FCHSD2: variants seen among roughly 807,000 people sequenced by gnomAD.
FCHSD2 encodes the protein F-BAR and double SH3 domains protein 2.
In FCHSD2, 38 loss-of-function variants were observed where a neutral mutation model predicts 108.1. That is an observed-to-expected ratio of 0.35 (90% CI 0.27 to 0.46). FCHSD2 has a LOEUF of 0.46. Among genes scored for constraint, FCHSD2 ranks in the 20% least tolerant of loss-of-function variants. The pLI, the probability that FCHSD2 is intolerant of heterozygous loss-of-function variation, is 1.00. For synonymous variants in FCHSD2, 279 were observed against 314.7 expected (o/e 0.89, Z 1.20); for missense variants, 751 against 897.8 (o/e 0.84, Z 2.09).
intron 13 of FCHSD2, among the ~76,000 whole-genome samples, chr11:72,850,968 G>T (rs1016636650): frequency 6.6e-6 from 1 of 151,730 alleles, no homozygotes; most frequent in Non-Finnish European, 1.5e-5. Flanking sequence ...GCATGGTGGT[G>T]CATGCCTGAA....
chr11:73,052,261 G>C (rs188697008), intron 3 of FCHSD2, among the ~76,000 whole-genome samples: 50 of 152,260 alleles, frequency 3.3e-4, no homozygotes, highest in African/African-American at 1.1e-3. Flanking sequence ...AACATGATTT[G>C]AGTTTAAATT....
intron 8 of FCHSD2, among the ~76,000 whole-genome samples, chr11:72,959,457 G>C (rs1269606574): frequency 3.4e-5 from 3 of 87,078 alleles, no homozygotes; most frequent in Non-Finnish European, 4.8e-5. Flanking sequence ...GGATGGTCTT[G>C]ATCTCCTGAC....
Position 72,843,153 on chromosome 11 carries a change from C to T in FCHSD2, c.1703G>A (p.Ser568Asn), listed in dbSNP as rs1163971431. ...LVSGSLNGDASVCFVKALYDY... is the reference protein window; with the variant it reads ...LVSGSLNGDANVCFVKALYDY... ...GAGTGCCTTGTTTCAGTCTTTACCA[C>T]TGGCATCTCCGTTGAGGCTGCCTGA... Residue 568 changes from serine to asparagine, a missense_variant and splice_region_variant, in exon 16 of 20, where the codon AGT becomes AAT. Coordinates refer to ENST00000409418, the MANE Select transcript of FCHSD2 (RefSeq NM_014824.3). 1.2e-6 allele frequency: 2 copies of T among 1,613,936 alleles called. No individual in the cohort carries two copies. Among genetic ancestry groups the T allele is most frequent in the South Asian group, 2.2e-5 (2 of 91,072 alleles).
chr11:72,943,031 G>GCT (rs1856451259), intron 8 of FCHSD2, among the ~76,000 whole-genome samples: 1 of 151,968 alleles, frequency 6.6e-6, no homozygotes, highest in African/African-American at 2.4e-5. Flanking sequence ...TGCTCTTGTT[G>GCT]CTCACGCTGG....
In FCHSD2 at chr11:72,878,023, A is replaced by C. The variant is rs558988953; in HGVS notation, c.1146+9447T>G. ...AAATTTTTTTAAATATATAAAGCAA[A>C]TAAAATATTAGATAATATGATTAGG... On this transcript the variant is annotated intron_variant, in intron 12 of 19. Coordinates refer to ENST00000409418, the MANE Select transcript of FCHSD2 (RefSeq NM_014824.3). Among the ~76,000 whole-genome samples the C allele has an allele frequency of 5.9e-5, 9 of 152,322 alleles. No homozygotes were observed. The East Asian group carries it at 1.7e-3, about 29-fold the overall frequency.
chr11:73,142,214 T>G lies in FCHSD2; in HGVS notation c.-337A>C. On this transcript the variant is annotated 5_prime_UTR_variant, in exon 1 of 20. Coordinates refer to ENST00000409418, the MANE Select transcript of FCHSD2 (RefSeq NM_014824.3). ...GGTCTCAGCCGGCCGGGCGGCGGGTTAGCCGCAGCCGCGTTGTCCGCGCTC... is the reference window on the plus strand; with the variant it reads ...GGTCTCAGCCGGCCGGGCGGCGGGTGAGCCGCAGCCGCGTTGTCCGCGCTC... The G allele has an allele frequency of 6.0e-6, 1 of 165,748 alleles. No individual in the cohort carries two copies. The highest frequency in any genetic ancestry group is 1.3e-5 in the Non-Finnish European group (1 of 77,640). 10.3% of individuals were successfully genotyped at this position (165,748 alleles called of 1,614,324 possible). A position where few individuals can be genotyped will look rare whatever the true frequency, so the allele number is the denominator to read the frequency against.
rs530278538 is a variant in FCHSD2 at position 73,000,485 on chromosome 11, T to C, written c.387+505A>G. ...AATAAAATATGTCCATTTGAAAACA[T>C]TTACTCATGTGTAACCCATATAATT... On this transcript the variant is annotated intron_variant, in intron 5 of 19. Coordinates refer to ENST00000409418, the MANE Select transcript of FCHSD2 (RefSeq NM_014824.3). Among the ~76,000 whole-genome samples the C allele has an allele frequency of 3.9e-5, 6 of 152,310 alleles. No homozygotes were observed. The East Asian group carries it at 9.6e-4, about 24-fold the overall frequency.
chr11:72,878,563 G>A (rs1166965163), intron 12 of FCHSD2, among the ~76,000 whole-genome samples: 2 of 152,178 alleles, frequency 1.3e-5, no homozygotes, highest in African/African-American at 4.8e-5. Context: ...TTACTAGGAA[G>A]AAAGTATTCA....
intron 8 of FCHSD2, chr11:72,941,025 G>A (rs1856406329): frequency 1.4e-6 from 1 of 726,636 alleles, no homozygotes; most frequent in Admixed American, 1.8e-5. Flanking sequence ...GGCTTGGAAA[G>A]GACCGTATGT....
chr11:72,944,718 C>T (rs1856485502), intron 8 of FCHSD2, among the ~76,000 whole-genome samples: 2 of 152,192 alleles, frequency 1.3e-5, no homozygotes, highest in Admixed American at 6.5e-5. Context: ...GATACAAAAT[C>T]GATGTGCAAA....
chr11:72,974,458 A>C (rs527569749), intron 8 of FCHSD2, among the ~76,000 whole-genome samples: 5 of 152,236 alleles, frequency 3.3e-5, no homozygotes, highest in Admixed American at 6.5e-5. Context: ...TTTCCAACAC[A>C]TGAACTTTAG....
chr11:72,900,768 T>C (rs1855510774), intron 10 of FCHSD2, among the ~76,000 whole-genome samples: 1 of 152,150 alleles, frequency 6.6e-6, no homozygotes, highest in Non-Finnish European at 1.5e-5. Context: ...CTAACAGAGC[T>C]ACTTAAAGTA....
At chr11:72,943,990 T>C (rs1358785502) in intron 8 of FCHSD2, among the ~76,000 whole-genome samples, 1 of 152,148 alleles carries the variant, frequency 6.6e-6, no homozygotes, top group African/African-American at 2.4e-5. Flanking sequence ...AACAACACAA[T>C]TACTTCTAAA....
At chr11:72,930,926 T>C (rs1591408574) in intron 8 of FCHSD2, among the ~76,000 whole-genome samples, 1 of 152,016 alleles carries the variant, frequency 6.6e-6, no homozygotes, top group East Asian at 1.9e-4. Context: ...TTAAAATATC[T>C]TAAGAGTGTA....
At chr11:73,066,055 T>C (rs1046241194) in intron 3 of FCHSD2, among the ~76,000 whole-genome samples, 2 of 152,180 alleles carry the variant, frequency 1.3e-5, no homozygotes, top group Non-Finnish European at 2.9e-5. Flanking sequence ...AAAACAATCC[T>C]GGGCAAGAAG....
At position 72,984,079 on chromosome 11, in the gene FCHSD2, C is replaced by T; in HGVS notation, c.705+9G>A. ...AGTAAAATTACCATAGATATGAAAG[C>T]TGTATTACCTTCATAATGTTAACTA... On this transcript the variant is annotated intron_variant, in intron 8 of 19. Transcript: ENST00000409418. 1.9e-6 allele frequency: 3 copies of T among 1,604,284 alleles called. No homozygotes were observed. The highest frequency in any genetic ancestry group is 2.6e-6 in the Non-Finnish European group (3 of 1,173,324).
At chr11:73,022,402 C>G (rs1858130281) in intron 3 of FCHSD2, among the ~76,000 whole-genome samples, 1 of 152,168 alleles carries the variant, frequency 6.6e-6, no homozygotes. Flanking sequence ...GAACTAATAA[C>G]TGAGTTTAGC....
rs199623106 is a variant in FCHSD2 at position 72,841,462 on chromosome 11, G to A, written c.2048C>T (p.Ser683Leu). ...CCCAGGAGAACCCTTACCGTTTGCT[G>A]AAGGAGACCGGGGAAAGTACAGGGA... ...RSSLYFPRSP[S>L]ANEKSLHAES... Residue 683 changes from serine to leucine, a missense_variant, in exon 18 of 20, where the codon TCA (serine) becomes TTA (leucine). Coordinates refer to ENST00000409418, the MANE Select transcript of FCHSD2 (RefSeq NM_014824.3). 2 of 1,610,346 alleles carry A rather than the reference G, an allele frequency of 1.2e-6. No homozygotes were observed. The highest frequency in any genetic ancestry group is 1.7e-6 in the Non-Finnish European group (2 of 1,178,518).
At chr11:73,119,435 G>C (rs1860681447) in intron 2 of FCHSD2, among the ~76,000 whole-genome samples, 2 of 151,996 alleles carry the variant, frequency 1.3e-5, no homozygotes, top group Admixed American at 6.6e-5. Context: ...CCACTTCAGA[G>C]AGGTGTGTTA....
Sources: gnomAD v4.1 joint callset for allele counts (sites outside exome capture counted in the v4.1 genomes callset) on GRCh38, gnomAD v4.1.1 for gene constraint, MANE v1.5 for transcripts, NCBI Gene and HGNC (gene_info 2026-07-23, HGNC 2026-07-21) for gene names.